Variants in SPOCK1 observed in about 807,000 individuals in gnomAD.
SPOCK1 encodes the protein testican-1.
In SPOCK1, 23 loss-of-function variants were observed where a neutral mutation model predicts 55.3. The ratio of observed to expected loss-of-function variants is 0.42; its 90% CI spans 0.30 to 0.59. The LOEUF (loss-of-function observed/expected upper bound fraction) is 0.59. SPOCK1 is among the 20% of genes least tolerant of loss of function. The probability of loss-of-function intolerance (pLI) is 0.22; values close to 1 mark genes in which losing one functional copy is unlikely to be tolerated. For missense variants in SPOCK1, 499 were observed against 552.5 expected, an observed-to-expected ratio of 0.90 and a Z score of 0.97; for synonymous variants, 226 against 221.0, an observed-to-expected ratio of 1.02 and a Z score of -0.20.
intron 2 of SPOCK1, among the ~76,000 whole-genome samples, chr5:137,416,073 G>A (rs546350581): frequency 1.3e-5 from 2 of 151,984 alleles, no homozygotes; most frequent in East Asian, 3.9e-4. Context: ...AGGAAAAATA[G>A]ACATGTTACA....
At chr5:137,488,730 T>C (rs1014580989) in intron 2 of SPOCK1, among the ~76,000 whole-genome samples, 1 of 152,186 alleles carries the variant, frequency 6.6e-6, no homozygotes, top group Non-Finnish European at 1.5e-5. Context: ...CTGGAACACC[T>C]GCAGTAAGTT....
chr5:137,204,911 G>A (rs541949656), intron 3 of SPOCK1, among the ~76,000 whole-genome samples: 1 of 152,290 alleles, frequency 6.6e-6, no homozygotes, highest in East Asian at 1.9e-4. Flanking sequence ...CCATGTGCAA[G>A]TTGTTTCGTC....
chr5:137,338,024 TTTATTA>T (rs373236089), intron 2 of SPOCK1, among the ~76,000 whole-genome samples: 358 of 152,212 alleles, frequency 2.4e-3, no homozygotes, highest in African/African-American at 8.2e-3. Flanking sequence ...GTATTATTTT[TTTATTA>T]TTATTATTAT....
intron 6 of SPOCK1, among the ~76,000 whole-genome samples, chr5:136,998,823 A>G (rs929426903): frequency 2.0e-5 from 3 of 152,240 alleles, no homozygotes; most frequent in Admixed American, 6.5e-5. Context: ...GCCATTGCAC[A>G]TTACTCCAAA....
chr5:137,480,503 G>C (rs148575772), intron 2 of SPOCK1, among the ~76,000 whole-genome samples: 213 of 152,266 alleles, frequency 1.4e-3, no homozygotes, highest in African/African-American at 4.9e-3. Context: ...CACAGAGAAG[G>C]TACACCCACT....
intron 2 of SPOCK1, among the ~76,000 whole-genome samples, chr5:137,390,572 C>A (rs1230739993): frequency 6.6e-6 from 1 of 152,214 alleles, no homozygotes; most frequent in African/African-American, 2.4e-5. Context: ...TTGAAAAACA[C>A]ACAGTGGTTC....
chr5:136,989,789 G>A (rs897909398), intron 7 of SPOCK1, among the ~76,000 whole-genome samples: 4 of 152,160 alleles, frequency 2.6e-5, no homozygotes, highest in Admixed American at 6.5e-5. Flanking sequence ...GATGGGCAGT[G>A]CAAGGGGGGG....
intron 3 of SPOCK1, among the ~76,000 whole-genome samples, chr5:137,205,375 A>G (rs1222624648): frequency 6.6e-6 from 1 of 152,236 alleles, no homozygotes; most frequent in Non-Finnish European, 1.5e-5. Flanking sequence ...CCCTGTGGGT[A>G]GTGAGTTTCC....
intron 2 of SPOCK1, among the ~76,000 whole-genome samples, chr5:137,434,286 C>A (rs1250228098): frequency 6.6e-6 from 1 of 152,082 alleles, no homozygotes; most frequent in African/African-American, 2.4e-5. Context: ...CAGTCCTTCA[C>A]AATAGAATTT....
intron 2 of SPOCK1, among the ~76,000 whole-genome samples, chr5:137,462,498 G>A (rs773381440): frequency 5.9e-5 from 9 of 152,294 alleles, no homozygotes; most frequent in Non-Finnish European, 1.2e-4. Flanking sequence ...GGGCAGGTTC[G>A]TGGTCAGACT....
At chr5:137,320,924 A>G (rs1757972117) in intron 2 of SPOCK1, among the ~76,000 whole-genome samples, 1 of 152,232 alleles carries the variant, frequency 6.6e-6, no homozygotes, top group Non-Finnish European at 1.5e-5. Context: ...GTCCTAAAGA[A>G]AAAGAGTTAT....
chr5:137,270,655 T>C (rs1434646), intron 2 of SPOCK1, among the ~76,000 whole-genome samples: 103,446 of 152,110 alleles, frequency 0.68, 35,704 homozygotes, highest in African/African-American at 0.77. Context: ...AACTTAAGCA[T>C]ACTGACTTAG....
chr5:137,029,559 C>T (rs985444654), intron 6 of SPOCK1, among the ~76,000 whole-genome samples: 2 of 152,176 alleles, frequency 1.3e-5, no homozygotes, highest in Admixed American at 6.5e-5. Flanking sequence ...TGGGATTAGG[C>T]CCTGGGTCGG....
chr5:137,139,396 C>T (rs1754049034), intron 4 of SPOCK1, among the ~76,000 whole-genome samples: 1 of 152,134 alleles, frequency 6.6e-6, no homozygotes, highest in Admixed American at 6.6e-5. Flanking sequence ...TCCCTAGGCA[C>T]ATTCAGAGGA....
intron 2 of SPOCK1, among the ~76,000 whole-genome samples, chr5:137,285,720 G>T (rs1350595105): frequency 6.6e-6 from 1 of 152,128 alleles, no homozygotes; most frequent in African/African-American, 2.4e-5. Flanking sequence ...CCTCGCCTTG[G>T]CCTTTGTGTC....
intron 3 of SPOCK1, among the ~76,000 whole-genome samples, chr5:137,195,890 G>A (rs1755290099): frequency 6.6e-6 from 1 of 152,138 alleles, no homozygotes; most frequent in Non-Finnish European, 1.5e-5. Context: ...GCAGAATTGT[G>A]TGCACCCCAC....
intron 5 of SPOCK1, among the ~76,000 whole-genome samples, chr5:137,093,264 A>G (rs1298239073): frequency 6.6e-6 from 1 of 152,202 alleles, no homozygotes; most frequent in African/African-American, 2.4e-5. Context: ...TGAAAGAGCA[A>G]TTAGAAGAGG....
intron 6 of SPOCK1, among the ~76,000 whole-genome samples, chr5:137,053,555 C>T (rs965283342): frequency 6.6e-6 from 1 of 151,498 alleles, no homozygotes; most frequent in South Asian, 2.1e-4. Flanking sequence ...CTTTGTGACA[C>T]AAGAAATCAG....
intron 5 of SPOCK1, among the ~76,000 whole-genome samples, chr5:137,081,787 C>A (rs542223117): frequency 1.3e-5 from 2 of 152,168 alleles, no homozygotes; most frequent in Non-Finnish European, 2.9e-5. Context: ...TAGTGCTGAA[C>A]GAAAAAGCCA....
Sources: allele counts gnomAD v4.1 joint callset (sites outside exome capture counted in the v4.1 genomes callset), GRCh38; gene constraint gnomAD v4.1.1; transcripts MANE v1.5; gene names NCBI Gene and HGNC (gene_info 2026-07-23, HGNC 2026-07-21).